Variants in RALY observed in about 807,000 individuals in gnomAD.
The protein encoded by RALY is RNA-binding protein Raly.
Under a neutral mutation model 30.7 loss-of-function variants are expected in RALY, and 15 were observed. The observed-to-expected ratio is 0.49, with a 90% CI of 0.33 to 0.75. The LOEUF (loss-of-function observed/expected upper bound fraction) is 0.75, where lower values mean the gene tolerates loss of function less well. RALY is among the 30% of genes least tolerant of loss of function. The pLI is 0.02. For synonymous variants in RALY, 177 were observed against 170.8 expected, an observed-to-expected ratio of 1.04 and a Z score of -0.28; for missense variants, 339 against 414.3, an observed-to-expected ratio of 0.82 and a Z score of 1.58.
At chr20:33,999,274 A>G (rs2030796993) in intron 1 of RALY, among the ~76,000 whole-genome samples, 1 of 152,150 alleles carries the variant, frequency 6.6e-6, no homozygotes, top group Non-Finnish European at 1.5e-5. Flanking sequence ...AGGTGAGGAC[A>G]CAGGAGAAGA....
At chr20:34,021,914 AT>A (rs2031839072) in intron 1 of RALY, among the ~76,000 whole-genome samples, 1 of 150,552 alleles carries the variant, frequency 6.6e-6, no homozygotes, top group African/African-American at 2.4e-5. Context: ...TTTTTTTATT[AT>A]TAAAAAAAAA....
intron 1 of RALY, among the ~76,000 whole-genome samples, chr20:34,020,264 C>A (rs1175858585): frequency 6.6e-6 from 1 of 152,224 alleles, no homozygotes; most frequent in Non-Finnish European, 1.5e-5. Context: ...GAAGGATTAA[C>A]TCCCATGGGG....
chr20:34,077,898 A>G (rs2033939849), intron 8 of RALY, among the ~76,000 whole-genome samples: 1 of 152,166 alleles, frequency 6.6e-6, no homozygotes, highest in Non-Finnish European at 1.5e-5. Context: ...CTGTTCCCAC[A>G]TTTTACCCTG....
At chr20:34,000,181 G>T (rs1368318184) in intron 1 of RALY, among the ~76,000 whole-genome samples, 4 of 152,134 alleles carry the variant, frequency 2.6e-5, no homozygotes, top group African/African-American at 7.2e-5. Flanking sequence ...TTGTGCTCAG[G>T]GTGCAGCTCA....
intron 1 of RALY, among the ~76,000 whole-genome samples, chr20:34,005,500 T>G (rs1428842502): frequency 6.6e-6 from 1 of 151,376 alleles, no homozygotes; most frequent in Non-Finnish European, 1.5e-5. Context: ...AGAGTGAGAC[T>G]CTTTCTCAAA....
chr20:34,018,905 G>A (rs995915947), intron 1 of RALY, among the ~76,000 whole-genome samples: 9 of 152,120 alleles, frequency 5.9e-5, no homozygotes, highest in Non-Finnish European at 1.0e-4. Context: ...ACCTGCCTTG[G>A]GGAACCAAGG....
chr20:34,010,500 G>C (rs2031353898), intron 1 of RALY, among the ~76,000 whole-genome samples: 1 of 152,166 alleles, frequency 6.6e-6, no homozygotes, highest in African/African-American at 2.4e-5. Flanking sequence ...GCCTCCCAAA[G>C]TGCTGGGATT....
intron 2 of RALY, among the ~76,000 whole-genome samples, chr20:34,038,317 C>T (rs1366712140): frequency 6.6e-6 from 1 of 152,018 alleles, no homozygotes; most frequent in African/African-American, 2.4e-5. Context: ...GAGAACATGG[C>T]CAAGAGAGCA....
chr20:34,051,840 C>T (rs1273059875), intron 2 of RALY, among the ~76,000 whole-genome samples: 4 of 152,170 alleles, frequency 2.6e-5, no homozygotes, highest in Admixed American at 6.5e-5. Flanking sequence ...CTCCTGACCT[C>T]GTGATCCAGG....
intron 1 of RALY, among the ~76,000 whole-genome samples, chr20:34,028,156 C>T (rs1176949628): frequency 3.3e-5 from 5 of 151,670 alleles, no homozygotes; most frequent in African/African-American, 4.8e-5. Context: ...CGTGGTGGCA[C>T]GTGCCTGTAA....
At chr20:33,998,169 T>C (rs1057127106) in intron 1 of RALY, among the ~76,000 whole-genome samples, 14 of 152,180 alleles carry the variant, frequency 9.2e-5, no homozygotes, top group African/African-American at 3.4e-4. Context: ...TTTGGGTTTG[T>C]ATAGCGTAGT....
At chr20:33,995,877 C>T (rs2030597575) in intron 1 of RALY, among the ~76,000 whole-genome samples, 1 of 152,166 alleles carries the variant, frequency 6.6e-6, no homozygotes, top group African/African-American at 2.4e-5. Flanking sequence ...TACCTTGCCA[C>T]TTCTTAAAAG....
intron 1 of RALY, among the ~76,000 whole-genome samples, chr20:34,018,495 A>G (rs2031691447): frequency 6.6e-6 from 1 of 152,166 alleles, no homozygotes; most frequent in South Asian, 2.1e-4. Flanking sequence ...AAAGAAATTA[A>G]TGGAATCTGT....
At position 34,084,846 on chromosome 20, in the gene RALY, C is replaced by CT. The variant is rs1461075825; in HGVS notation, c.*4941_*4942insT. 1.3e-5 allele frequency: 2 copies of CT among 152,338 alleles called. No homozygotes were observed. Among genetic ancestry groups the CT allele is most frequent in the Non-Finnish European group, 2.9e-5 (2 of 68,114 alleles). 9.4% of individuals were successfully genotyped at this position (152,338 alleles called of 1,614,324 possible). ...CTCACTGATGCCATTCAAAGCCCAG[C>CT]ACCATGAGAGATAATAAAACGTTGT... On this transcript the variant is annotated 3_prime_UTR_variant, in exon 10 of 10. Coordinates refer to ENST00000246194, the MANE Select transcript of RALY (RefSeq NM_016732.3).
chr20:34,079,414 A>G (rs1568703227), intron 9 of RALY, among the ~76,000 whole-genome samples: 2 of 151,960 alleles, frequency 1.3e-5, no homozygotes, highest in African/African-American at 4.8e-5. Context: ...TGTGCCTACT[A>G]CTCTCTGACC....
Position 34,083,108 on chromosome 20 carries a change from C to G in RALY, c.*3203C>G, listed in dbSNP as rs2034055099. 6.6e-6 allele frequency: 1 copy of G among 152,178 alleles called. No homozygotes were observed. The highest frequency in any genetic ancestry group is 1.5e-5 in the Non-Finnish European group (1 of 68,048). 9.4% of individuals were successfully genotyped at this position (152,178 alleles called of 1,614,324 possible). On this transcript the variant is annotated 3_prime_UTR_variant, in exon 10 of 10. Transcript: ENST00000246194. The stretch of plus-strand genomic sequence containing the variant: ...TCTGGATCAGGGATAGTAAATGGGC[C>G]TTTGTTCAGTTACTGACTGTTGTAT...
rs1555804032 is a variant in RALY at position 34,035,171 on chromosome 20, A to AAAC, written c.-10+3569_-10+3570insCAA. On this transcript the variant is annotated intron_variant, in intron 2 of 9. Transcript: ENST00000246194. Reference sequence around the variant, plus strand: ...CCATCTCAAAAAAAAAAAAAAAAAAAAAAAAAAAAAAAAAAACAGTCTGGA... The same window carrying AAAC: ...CCATCTCAAAAAAAAAAAAAAAAAAAAACAAAAAAAAAAAAAAAACAGTCTGGA... Among the ~76,000 whole-genome samples the AAAC allele has an allele frequency of 2.4e-3, 314 of 133,288 alleles. 4 individuals are homozygous for AAAC. Among genetic ancestry groups the AAAC allele is most frequent in the Non-Finnish European group, 3.3e-3 (218 of 66,052 alleles). The allele number at this position is 133,288 out of a possible 152,430, so 87.4% of individuals were successfully genotyped here. A position where few individuals can be genotyped will look rare whatever the true frequency, so the allele number is the denominator to read the frequency against.
At chr20:34,008,385 A>G (rs1413568384) in intron 1 of RALY, among the ~76,000 whole-genome samples, 1 of 152,212 alleles carries the variant, frequency 6.6e-6, no homozygotes, top group African/African-American at 2.4e-5. Flanking sequence ...TTCACTCCCA[A>G]CGGCATCTGA....
chr20:34,079,272 G>T (rs73606209), intron 9 of RALY, among the ~76,000 whole-genome samples: 9,757 of 152,244 alleles, frequency 0.064, 348 homozygotes, highest in South Asian at 0.096. Context: ...ACTAAAGGGT[G>T]CAGGGAGATA....
Sources: gnomAD v4.1 joint callset for allele counts (sites outside exome capture counted in the v4.1 genomes callset) on GRCh38, gnomAD v4.1.1 for gene constraint, MANE v1.5 for transcripts, NCBI Gene and HGNC (gene_info 2026-07-23, HGNC 2026-07-21) for gene names.